ARHGAP11A: variants seen among roughly 807,000 people sequenced by gnomAD.
The protein encoded by ARHGAP11A is rho GTPase-activating protein 11A.
A neutral mutation model predicts 60.5 loss-of-function variants in ARHGAP11A; 36 were observed. The ratio of observed to expected loss-of-function variants is 0.59; its 90% CI spans 0.46 to 0.79. The LOEUF (loss-of-function observed/expected upper bound fraction) is 0.79, where lower values mean the gene tolerates loss of function less well. ARHGAP11A is among the 30% of genes least tolerant of loss of function. ARHGAP11A has a pLI of 0.00. For synonymous variants in ARHGAP11A, 362 were observed against 415.5 expected (o/e 0.87, Z 1.57); for missense variants, 1,071 against 1,199.2 (o/e 0.89, Z 1.58).
chr15:32,637,355 C>G lies in ARHGAP11A; in HGVS notation c.2582C>G (p.Ala861Gly). The G allele has an allele frequency of 1.2e-6, 2 of 1,614,022 alleles. No individual in the cohort carries two copies. Among genetic ancestry groups the G allele is most frequent in the Non-Finnish European group, 8.5e-7 (1 of 1,179,968 alleles). Residue 861 changes from alanine (A) to glycine (G), a missense_variant, in exon 12 of 12, where the codon GCG (alanine) becomes GGG (glycine). This residue lies in a region of ARHGAP11A where 776 missense variants were observed against 760.2 expected (regional missense o/e 1.02). Coordinates refer to ENST00000361627, the MANE Select transcript of ARHGAP11A (RefSeq NM_014783.6). ...YSRQPTGHKL[A>G]SLGDTASPLV... The stretch of plus-strand genomic sequence containing the variant: ...AGACAACCTACAGGGCATAAGTTGG[C>G]GAGTCTTGGTGATACAGCTTCTCCT...
At chr15:32,632,511 A>T (rs1172101113) in intron 8 of ARHGAP11A, among the ~76,000 whole-genome samples, 2 of 152,320 alleles carry the variant, frequency 1.3e-5, no homozygotes, top group Non-Finnish European at 1.5e-5. Context: ...CTTGTTTGCC[A>T]ATAGCTTATT....
intron 11 of ARHGAP11A, 165 bp downstream of exon 11, chr15:32,636,080 A>T: frequency 7.2e-7 from 1 of 1,380,092 alleles, no homozygotes; most frequent in East Asian, 2.7e-5. Flanking sequence ...AACAATTGGG[A>T]AATGCTTATA....
Position 32,637,396 on chromosome 15 carries a change from A to G in ARHGAP11A, c.2623A>G (p.Ser875Gly), listed in dbSNP as rs775508895. 1.9e-6 allele frequency: 3 copies of G among 1,614,082 alleles called. No individual in the cohort carries two copies. Among genetic ancestry groups the G allele is most frequent in the African/African-American group, 1.3e-5 (1 of 74,944 alleles). ...DTASPLVKSV[S>G]CDGALSSCIE... ...AGCTTCTCCTTTGGTCAAATCAGTG[A>G]GCTGTGACGGTGCTCTTTCCTCTTG... Residue 875 changes from serine (S) to glycine (G), a missense_variant, in exon 12 of 12, where the codon AGC (serine) becomes GGC (glycine). By Grantham distance (56) the Ser-to-Gly change is moderately conservative (BLOSUM62 0). This residue lies in a region of ARHGAP11A where 776 missense variants were observed against 760.2 expected (regional missense o/e 1.02). Coordinates refer to ENST00000361627, the MANE Select transcript of ARHGAP11A (RefSeq NM_014783.6).
At chr15:32,632,687 G>A (rs1218783341) in intron 8 of ARHGAP11A, 1 of 205,790 alleles carries the variant, frequency 4.9e-6, no homozygotes, top group African/African-American at 2.3e-5. Context: ...TTTCCAGTCT[G>A]CAATGGTGCC....
chr15:32,620,275 A>G lies in ARHGAP11A; in HGVS notation c.200+97A>G, dbSNP rs939019661. ...CGAGGTGGGCAAATCACTTGAGTCCAGGAGCTTAAGACCAGCCTGGGCAAC... is the reference window on the plus strand; with the variant it reads ...CGAGGTGGGCAAATCACTTGAGTCCGGGAGCTTAAGACCAGCCTGGGCAAC... On this transcript the variant is annotated intron_variant, in intron 2 of 11. Transcript: ENST00000361627. 57 of 1,603,192 alleles carry G rather than the reference A, an allele frequency of 3.6e-5. No homozygotes were observed. The South Asian group carries it at 5.0e-4, about 14-fold the overall frequency.
chr15:32,627,539 C>G (rs1168008176), intron 6 of ARHGAP11A, among the ~76,000 whole-genome samples: 2 of 151,914 alleles, frequency 1.3e-5, no homozygotes, highest in African/African-American at 4.8e-5. Flanking sequence ...ACCATCCTAG[C>G]TAACACAGTG....
Position 32,627,264 on chromosome 15 carries a change from A to C in ARHGAP11A, c.863-1464A>C, listed in dbSNP as rs187985264. ...TTAACGTTTTGAAATGACCATCTTT[A>C]TCCTCTTTATCCTGGTTCTGTGTGA... is the stretch of plus-strand genomic sequence containing the variant. On this transcript the variant is annotated intron_variant, in intron 6 of 11. Transcript: ENST00000361627. Among the ~76,000 whole-genome samples, 916 of 151,994 alleles carry C rather than the reference A, an allele frequency of 6.0e-3. 11 individuals are homozygous for C. The highest frequency in any genetic ancestry group is 0.021 in the African/African-American group (870 of 41,414).
rs1410682692 is a variant in ARHGAP11A at position 32,616,084 on chromosome 15, G to C, written c.-128G>C. On this transcript the variant is annotated 5_prime_UTR_variant, in exon 1 of 12. Transcript: ENST00000361627. Reference sequence around the variant, plus strand: ...GTGGCCGGGGGTCGGGGCCGCAGAAGTGCCAGACGGGGCCGGAAAGCAGCC... The same window carrying C: ...GTGGCCGGGGGTCGGGGCCGCAGAACTGCCAGACGGGGCCGGAAAGCAGCC... 5.7e-6 allele frequency: 8 copies of C among 1,412,126 alleles called. No individual in the cohort carries two copies. The highest frequency in any genetic ancestry group is 7.6e-6 in the Non-Finnish European group (8 of 1,054,478). 87.5% of individuals were successfully genotyped at this position (1,412,126 alleles called of 1,614,324 possible).
chr15:32,625,174 A>G lies in ARHGAP11A; in HGVS notation c.646A>G (p.Asn216Asp). The G allele has an allele frequency of 6.2e-7, 1 of 1,613,956 alleles. No individual in the cohort carries two copies. The highest frequency in any genetic ancestry group is 8.5e-7 in the Non-Finnish European group (1 of 1,179,838). The change falls in exon 5 of 12, where the codon AAC becomes GAC. Residue 216 changes from asparagine to aspartate, a missense_variant. By Grantham distance (23) the Asn-to-Asp change is conservative. Around this residue, in one of 4 missense-constraint regions of ARHGAP11A, gnomAD observed 196 missense variants for 272.1 expected, o/e 0.72. Coordinates refer to ENST00000361627, the MANE Select transcript of ARHGAP11A (RefSeq NM_014783.6). ...TGAAGGACATGAAAAGATGTCTTCT[A>G]ACACAGAAAAGAAGCTACGATTACA... ...TSEGHEKMSS[N>D]TEKKLRLQAA...
At chr15:32,621,821 CAA>C (rs376053100) in intron 2 of ARHGAP11A, among the ~76,000 whole-genome samples, 1 of 120,904 alleles carries the variant, frequency 8.3e-6, no homozygotes, top group African/African-American at 2.8e-5. Context: ...GACTCCGTCT[CAA>C]AAAAAAAAAA....
At position 32,637,568 on chromosome 15, in the gene ARHGAP11A, G is replaced by A. The variant is rs912007161; in HGVS notation, c.2795G>A (p.Arg932Lys). 3.7e-6 allele frequency: 6 copies of A among 1,613,996 alleles called. No individual in the cohort carries two copies. The African/African-American group carries it at 8.0e-5, about 22-fold the overall frequency. Residue 932 changes from arginine to lysine, a missense_variant, in exon 12 of 12, where the codon AGG becomes AAG. Transcript: ENST00000361627. ...CCCTCGAAATCTTTCTTAAAGATGA[G>A]GAAGCACCCAGATTCAGTGAATGCT... The part of the protein sequence containing the change: ...ELPSKSFLKM[R>K]KHPDSVNASL...
intron 3 of ARHGAP11A, 130 bp from the exon 4 acceptor site, chr15:32,624,043 G>A (rs2140452611): frequency 1.6e-6 from 1 of 625,654 alleles, no homozygotes; most frequent in South Asian, 2.1e-5. Context: ...ATAAAGTAGT[G>A]ACATATATTA....
In ARHGAP11A at chr15:32,636,509, T is replaced by C. The variant is rs1404516723; in HGVS notation, c.1736T>C (p.Ile579Thr). The C allele has an allele frequency of 1.2e-6, 2 of 1,614,046 alleles. No individual in the cohort carries two copies. Among genetic ancestry groups the C allele is most frequent in the East Asian group, 2.2e-5 (1 of 44,868 alleles). Residue 579 changes from isoleucine (I) to threonine (T), a missense_variant, in exon 12 of 12, where the codon ATA becomes ACA. Ile to Thr is a moderately conservative substitution (Grantham distance 89). Coordinates refer to ENST00000361627, the MANE Select transcript of ARHGAP11A (RefSeq NM_014783.6). ...TTAAACAATAAGCATAATAGCAACA[T>C]AACAAGTAGCCCTCTTAGCGGGGAT... ...SNLNNKHNSN[I>T]TSSPLSGDEN... is the part of the protein sequence containing the mutation.
chr15:32,618,958 A>T (rs2053232340), intron 1 of ARHGAP11A, among the ~76,000 whole-genome samples: 2 of 152,314 alleles, frequency 1.3e-5, no homozygotes, highest in South Asian at 2.1e-4. Context: ...CTCAAAAAAA[A>T]TACACCTGTC....
At chr15:32,631,043 G>T (rs1034089336) in intron 8 of ARHGAP11A, among the ~76,000 whole-genome samples, 20 of 151,952 alleles carry the variant, frequency 1.3e-4, no homozygotes, top group African/African-American at 4.6e-4. Context: ...ACAGTCTTGT[G>T]CTATTTTTAG....
At chr15:32,625,281 A>G (rs773219067) in intron 5 of ARHGAP11A, 38 bp downstream of exon 5, 22 of 1,563,282 alleles carry the variant, frequency 1.4e-5, no homozygotes, top group Non-Finnish European at 1.8e-5. Flanking sequence ...ATTTGTTTAA[A>G]TGAGGAAAAT....
At chr15:32,628,257 C>T (rs1225257523) in intron 6 of ARHGAP11A, among the ~76,000 whole-genome samples, 1 of 152,226 alleles carries the variant, frequency 6.6e-6, no homozygotes, top group African/African-American at 2.4e-5. Flanking sequence ...TATTTCCTGT[C>T]TTTGAGCAAC....
At chr15:32,621,740 G>C (rs2053315999) in intron 2 of ARHGAP11A, among the ~76,000 whole-genome samples, 1 of 151,172 alleles carries the variant, frequency 6.6e-6, no homozygotes, top group Admixed American at 6.6e-5. Context: ...CAGGGGAATG[G>C]CATGCCAGGA....
At position 32,635,883 on chromosome 15, in the gene ARHGAP11A, G is replaced by C; in HGVS notation, c.1451G>C (p.Ser484Thr). 6.2e-7 allele frequency: 1 copy of C among 1,609,738 alleles called. No individual in the cohort carries two copies. The highest frequency in any genetic ancestry group is 8.5e-7 in the Non-Finnish European group (1 of 1,178,768). Residue 484 changes from serine (S) to threonine (T), a missense_variant, in exon 11 of 12, where the codon AGC becomes ACC. This residue lies in a region of ARHGAP11A where 776 missense variants were observed against 760.2 expected (regional missense o/e 1.02). Transcript: ENST00000361627. ...IESVKTGLLF[S>T]PDVDEKLPKK... ...TCTGTAAAAACAGGTTTGCTTTTTA[G>C]CCCAGATGTTGATGAAAAGTTACCA...
Sources: allele counts gnomAD v4.1 joint callset (sites outside exome capture counted in the v4.1 genomes callset), GRCh38; gene constraint gnomAD v4.1.1; regional missense constraint gnomAD v4.1.1; transcripts MANE v1.5; gene names NCBI Gene and HGNC (gene_info 2026-07-23, HGNC 2026-07-21).